The following IGFN1 variants were observed in gnomAD, a reference collection of about 807,000 sequenced individuals.
IGFN1 encodes immunoglobulin-like and fibronectin type III domain-containing protein 1.
In IGFN1, 253 loss-of-function variants were observed where a neutral mutation model predicts 289.5. The ratio of observed to expected loss-of-function variants is 0.87; its 90% CI spans 0.79 to 0.97. The LOEUF (loss-of-function observed/expected upper bound fraction) is 0.97. Ranked by LOEUF, IGFN1 falls within the 50% of genes least tolerant of loss-of-function variation. The pLI is 0.00. For synonymous variants in IGFN1, 1,706 were observed against 1,788.5 expected (o/e 0.95, Z 1.16); for missense variants, 4,470 against 4,686.1 (o/e 0.95, Z 1.35).
At chr1:201,195,323 T>C (rs1666868004) in intron 3 of IGFN1, among the ~76,000 whole-genome samples, 3 of 152,128 alleles carry the variant, frequency 2.0e-5, no homozygotes, top group African/African-American at 7.2e-5. Flanking sequence ...GGCTACTTTT[T>C]GTATTTTTAA....
At chr1:201,226,488 G>C (rs1654107536) in intron 22 of IGFN1, among the ~76,000 whole-genome samples, 2 of 152,162 alleles carry the variant, frequency 1.3e-5, no homozygotes, top group Non-Finnish European at 2.9e-5. Flanking sequence ...TGGACCTTAA[G>C]ATCAGTCACA....
Position 201,206,587 on chromosome 1 carries a change from G to T in IGFN1, c.1694G>T (p.Arg565Leu), listed in dbSNP as rs1341631. Reference sequence around the variant, plus strand: ...GGAGGCTGGGAGGCTGGGTCCAGTCGGCTTCAGGCTGGAGGACTGGGGAGC... The same window carrying T: ...GGAGGCTGGGAGGCTGGGTCCAGTCTGCTTCAGGCTGGAGGACTGGGGAGC... ...KAGGWEAGSS[R>L]LQAGGLGSSR... Residue 565 changes from arginine to leucine, a missense_variant, in exon 12 of 24, where the codon CGG becomes CTG. Transcript: ENST00000335211. 0.72 allele frequency: 1,121,400 copies of T among 1,547,948 alleles called. 407,270 individuals carry two copies. Among genetic ancestry groups the T allele is most frequent in the African/African-American group, 0.84 (61,417 of 73,034 alleles).
chr1:201,206,984 T>C lies in IGFN1; in HGVS notation c.2091T>C (p.Ser697=). ...GCATGGCCCCTGAATCCTGGGGTTC[T>C]CAGGGAGGTAGAGATGCTGACTATG... ...KVGMAPESWG[S]QGGRDADYGE... Residue 697 remains serine, a synonymous_variant, in exon 12 of 24, where the codon TCT becomes TCC. Coordinates refer to ENST00000335211, the MANE Select transcript of IGFN1 (RefSeq NM_001164586.2). The C allele has an allele frequency of 6.5e-7, 1 of 1,536,060 alleles. No homozygotes were observed. The highest frequency in any genetic ancestry group is 8.7e-7 in the Non-Finnish European group (1 of 1,146,398).
In IGFN1 at chr1:201,211,705, G is replaced by C; in HGVS notation, c.6812G>C (p.Gly2271Ala). 1 of 1,536,978 alleles carries C rather than the reference G, an allele frequency of 6.5e-7. No individual in the cohort carries two copies. Among genetic ancestry groups the C allele is most frequent in the Non-Finnish European group, 8.7e-7 (1 of 1,146,786 alleles). The change falls in exon 12 of 24, where the codon GGT (glycine) becomes GCT (alanine). Residue 2271 changes from glycine to alanine, a missense_variant. Physicochemically the swap from Gly to Ala is moderately conservative, Grantham distance 60. This residue lies in a region of IGFN1 where 2,218 missense variants were observed against 2,114.1 expected (regional missense o/e 1.05). Transcript: ENST00000335211. ...GSGSYTDYRN[G>A]LGSSGKISSG... ...GGCAGTTACACAGATTACAGGAATG[G>C]TTTAGGCAGTTCTGGAAAAATCAGT...
chr1:201,209,446 G>A lies in IGFN1; in HGVS notation c.4553G>A (p.Gly1518Asp), dbSNP rs1183251531. 7.2e-6 allele frequency: 11 copies of A among 1,536,408 alleles called. No individual in the cohort carries two copies. The South Asian group carries it at 1.2e-4, about 17-fold the overall frequency. Reference sequence around the variant, plus strand: ...AAAGCAGGTTATAGGGGTGGCTTAGGTTCTGGGGAAATGGGGTCTGTGGAT... The same window carrying A: ...AAAGCAGGTTATAGGGGTGGCTTAGATTCTGGGGAAATGGGGTCTGTGGAT... ...GSKAGYRGGL[G>D]SGEMGSVDKA... The change falls in exon 12 of 24, where the codon GGT (glycine) becomes GAT (aspartate). Residue 1518 changes from glycine to aspartate, a missense_variant. By Grantham distance (94) the Gly-to-Asp change is moderately conservative (BLOSUM62 -1). This residue lies in a region of IGFN1 where 2,011 missense variants were observed against 1,953.4 expected (regional missense o/e 1.03). Coordinates refer to ENST00000335211, the MANE Select transcript of IGFN1 (RefSeq NM_001164586.2).
In IGFN1 at chr1:201,207,493, G is replaced by T. The variant is rs1667482119; in HGVS notation, c.2600G>T (p.Gly867Val). 2.0e-6 allele frequency: 3 copies of T among 1,534,556 alleles called. No homozygotes were observed. The South Asian group carries it at 3.6e-5, about 18-fold the overall frequency. ...GVLGPSGGQE[G>V]MGGIWVAGLT... is the part of the protein sequence containing the mutation. Reference sequence around the variant, plus strand: ...CTGGGGCCCAGTGGAGGACAAGAGGGTATGGGTGGTATCTGGGTGGCTGGA... The same window carrying T: ...CTGGGGCCCAGTGGAGGACAAGAGGTTATGGGTGGTATCTGGGTGGCTGGA... The change falls in exon 12 of 24, where the codon GGT (glycine) becomes GTT (valine). Residue 867 changes from glycine (G) to valine (V), a missense_variant. By Grantham distance (109) the Gly-to-Val change is moderately radical. Around this residue, in one of 8 missense-constraint regions of IGFN1, gnomAD observed 2,011 missense variants for 1,953.4 expected, o/e 1.03. Coordinates refer to ENST00000335211, the MANE Select transcript of IGFN1 (RefSeq NM_001164586.2).
intron 21 of IGFN1, 55 bp from the exon 22 acceptor site, chr1:201,225,769 T>TA (rs1300811056): frequency 2.7e-5 from 41 of 1,501,944 alleles, no homozygotes; most frequent in Non-Finnish European, 3.6e-5. Context: ...AGGGGGCTGG[T>TA]AGCAGCCCTG....
intron 9 of IGFN1, among the ~76,000 whole-genome samples, chr1:201,203,519 A>C (rs1018255765): frequency 6.6e-6 from 1 of 152,164 alleles, no homozygotes; most frequent in African/African-American, 2.4e-5. Context: ...CTCCATGGAC[A>C]TTCCTAGAGC....
chr1:201,199,752 C>G (rs1667066833), intron 7 of IGFN1, 98 bp downstream of exon 7: 1 of 1,041,146 alleles, frequency 9.6e-7, no homozygotes, highest in African/African-American at 1.6e-5. Context: ...CCACCTCTAC[C>G]CAACACAGCA....
In IGFN1 at chr1:201,211,786, T is replaced by C. The variant is rs1264978026; in HGVS notation, c.6893T>C (p.Leu2298Ser). ...NVLGGSGRNP[L>S]GSEAGSRGSL... is the part of the protein sequence containing the mutation. ...TTAGGGGGTTCTGGGAGGAATCCATTAGGGAGCGAGGCAGGTTCTAGGGGT... is the reference window on the plus strand; with the variant it reads ...TTAGGGGGTTCTGGGAGGAATCCATCAGGGAGCGAGGCAGGTTCTAGGGGT... Residue 2298 changes from leucine to serine, a missense_variant, in exon 12 of 24, where the codon TTA becomes TCA. Transcript: ENST00000335211. 5.2e-6 allele frequency: 8 copies of C among 1,536,516 alleles called. No individual in the cohort carries two copies. In the East Asian group the frequency reaches 1.2e-4, roughly 23 times the overall value.
At position 201,224,722 on chromosome 1, in the gene IGFN1, C is replaced by G. The variant is rs1297030622; in HGVS notation, c.10334C>G (p.Pro3445Arg). The change falls in exon 21 of 24, where the codon CCC (proline) becomes CGC (arginine). Residue 3445 changes from proline to arginine, a missense_variant. Transcript: ENST00000335211. ...GTGACCTGGCTGAAGGATGGCTTGCCCTTGCCCAAAAGAAGTGTGACTGTC... is the reference window on the plus strand; with the variant it reads ...GTGACCTGGCTGAAGGATGGCTTGCGCTTGCCCAAAAGAAGTGTGACTGTC... ...PEVTWLKDGL[P>R]LPKRSVTVTK... 4 of 1,614,060 alleles carry G rather than the reference C, an allele frequency of 2.5e-6. No homozygotes were observed. In the African/African-American group the frequency reaches 5.3e-5, roughly 22 times the overall value.
intron 18 of IGFN1, among the ~76,000 whole-genome samples, chr1:201,219,491 G>GA (rs939043631): frequency 3.3e-5 from 5 of 152,152 alleles, no homozygotes; most frequent in Admixed American, 2.0e-4. Context: ...TCCTGCAGGG[G>GA]AAAAAAACCT....
In IGFN1 at chr1:201,212,371, G is replaced by A; in HGVS notation, c.7478G>A (p.Trp2493Ter). ...AAGGGAAAACCAGATGTCAAAGAAT[G>A]GCAAGACAGTTCTGGGACTCCAGGG... ...GAKGKPDVKE[W>*]QDSSGTPGSS... The change falls in exon 12 of 24, where the codon TGG becomes TAG. Residue 2493 changes from tryptophan (W) to a stop codon, truncating the protein, a stop_gained. Coordinates refer to ENST00000335211, the MANE Select transcript of IGFN1 (RefSeq NM_001164586.2). LOFTEE classifies it high-confidence loss of function. 1 of 1,536,924 alleles carries A rather than the reference G, an allele frequency of 6.5e-7. No homozygotes were observed. The highest frequency in any genetic ancestry group is 8.7e-7 in the Non-Finnish European group (1 of 1,146,814).
chr1:201,213,081 GGGGAGTCCGGACCTCA>G lies in IGFN1; in HGVS notation c.8194_8209del (p.Ser2732ProfsTer5). Reference sequence around the variant, plus strand: ...GGGGAATGCCCTCACCCCAAAACCTGGGGAGTCCGGACCTCAGGGAGCCTGGAATGGCTTAGATGGT... The same window carrying G: ...GGGGAATGCCCTCACCCCAAAACCTGGGGAGCCTGGAATGGCTTAGATGGT... On this transcript the variant is annotated frameshift_variant, in exon 12 of 24. Transcript: ENST00000335211. LOFTEE classifies it high-confidence loss of function. The G allele has an allele frequency of 1.3e-6, 2 of 1,551,642 alleles. No individual in the cohort carries two copies. The highest frequency in any genetic ancestry group is 1.7e-6 in the Non-Finnish European group (2 of 1,146,972).
At position 201,212,518 on chromosome 1, in the gene IGFN1, T is replaced by C. The variant is rs1009118647; in HGVS notation, c.7625T>C (p.Met2542Thr). Residue 2542 changes from methionine to threonine, a missense_variant, in exon 12 of 24, where the codon ATG becomes ACG. This residue lies in a region of IGFN1 where 2,218 missense variants were observed against 2,114.1 expected (regional missense o/e 1.05). Transcript: ENST00000335211. ...GTGGAAGGTGAGACCTGGGCAGGAA[T>C]GGCTGCTCTAGGGTCTGGATATGAA... is the stretch of plus-strand genomic sequence containing the variant. ...GAVEGETWAG[M>T]AALGSGYERD... is the part of the protein sequence containing the mutation. The C allele has an allele frequency of 1.9e-6, 3 of 1,546,368 alleles. No homozygotes were observed. The highest frequency in any genetic ancestry group is 2.0e-5 in the Admixed American group (1 of 50,970).
chr1:201,216,332 TCTG>T (rs1271123464), intron 15 of IGFN1, 119 bp from the exon 16 acceptor site: 8 of 742,880 alleles, frequency 1.1e-5, no homozygotes, highest in South Asian at 1.9e-5. Context: ...TGCAGGCTTA[TCTG>T]CTGATGAGTG....
chr1:201,206,226 CT>C lies in IGFN1; in HGVS notation c.1335del (p.Glu446LysfsTer12), dbSNP rs1667412668. On this transcript the variant is annotated frameshift_variant, in exon 12 of 24. Transcript: ENST00000335211. LOFTEE classifies it high-confidence loss of function. ...SREQGPRGGSLEGAGPASGLQ... is the reference protein window; with the variant it reads ...SREQGPRGGSXEGAGPASGLQ... ...AGAGCAGGGCCCCAGGGGGGGCTCC[CT>C]TGAAGGGGCTGGGCCGGCTTCTGGG... 1 of 1,547,814 alleles carries C rather than the reference CT, an allele frequency of 6.5e-7. No homozygotes were observed.
chr1:201,194,276 G>A lies in IGFN1; in HGVS notation c.127+3G>A, dbSNP rs1263703641. ...CGTCACCTCGGCTCTGCCAGAGGGT[G>A]AGCCCAGAGGGGAGCTGCGGAGGGG... On this transcript the variant is annotated splice_donor_region_variant and intron_variant, in intron 3 of 23. Coordinates refer to ENST00000335211, the MANE Select transcript of IGFN1 (RefSeq NM_001164586.2). The A allele has an allele frequency of 6.4e-7, 1 of 1,551,218 alleles. No homozygotes were observed.
In IGFN1 at chr1:201,199,622, G is replaced by C; in HGVS notation, c.426G>C (p.Glu142Asp). 8 of 1,551,592 alleles carry C rather than the reference G, an allele frequency of 5.2e-6. No individual in the cohort carries two copies. Among genetic ancestry groups the C allele is most frequent in the Non-Finnish European group, 7.0e-6 (8 of 1,146,938 alleles). ...CTCCTTTTTCAGACCTCAGGAAGGA[G>C]CTGATGGACTTCCGGAAGTTGCTGA... ...HREPQEDLRK[E>D]LMDFRKLLKK... Residue 142 changes from glutamate to aspartate, a missense_variant, in exon 7 of 24, where the codon GAG (glutamate) becomes GAC (aspartate). Physicochemically the swap from Glu to Asp is conservative, Grantham distance 45 (BLOSUM62 2). Transcript: ENST00000335211.
Sources: gnomAD v4.1 joint callset for allele counts (sites outside exome capture counted in the v4.1 genomes callset) on GRCh38, gnomAD v4.1.1 for gene constraint, gnomAD v4.1.1 regional missense constraint, MANE v1.5 for transcripts, NCBI Gene and HGNC (gene_info 2026-07-23, HGNC 2026-07-21) for gene names.